Variants in GLIS1 observed in about 807,000 individuals in gnomAD.
The protein encoded by GLIS1 is GLIS family zinc finger 1.
GLIS1 carries 24 observed loss-of-function variants against 63.8 expected under a neutral mutation model. That is an observed-to-expected ratio of 0.38 (90% CI 0.27 to 0.53). GLIS1 has a LOEUF of 0.53. GLIS1 is among the 20% of genes least tolerant of loss of function. The probability of loss-of-function intolerance (pLI) is 0.85; values close to 1 mark genes in which losing one functional copy is unlikely to be tolerated. For synonymous variants in GLIS1, 450 were observed against 482.5 expected, an observed-to-expected ratio of 0.93 and a Z score of 0.88; for missense variants, 1,036 against 1,074.1, an observed-to-expected ratio of 0.96 and a Z score of 0.50.
rs184158274 is a variant in GLIS1, at chr1:53,526,937, T to C, written c.1483-2050A>G. Reference sequence around the variant, plus strand: ...GCTGCAGCGCCGGGCGGCCTCCCTCTGTCTGTAATGAGGACGCTCCGGGTG... The same window carrying C: ...GCTGCAGCGCCGGGCGGCCTCCCTCCGTCTGTAATGAGGACGCTCCGGGTG... On this transcript the variant is annotated intron_variant, in intron 5 of 10. Coordinates refer to ENST00000628545, the MANE Select transcript of GLIS1 (RefSeq NM_001367484.1). This position sits in a 1 kb window ranked among gnomAD's most constrained non-coding sequence, Gnocchi z 4.4. 5.1e-4 allele frequency among the ~76,000 whole-genome samples: 78 copies of C among 152,344 alleles called. No individual in the cohort carries two copies. Among genetic ancestry groups the C allele is most frequent in the African/African-American group, 1.8e-3 (76 of 41,576 alleles).
At chr1:53,556,677 TGTAA>T (rs748233247) in intron 4 of GLIS1, among the ~76,000 whole-genome samples, 22 of 145,926 alleles carry the variant, frequency 1.5e-4, no homozygotes, top group Admixed American at 2.1e-4. Flanking sequence ...GCAGGTGTAC[TGTAA>T]GTATGTGTGT....
chr1:53,541,627 T>C (rs1338347281), intron 4 of GLIS1, among the ~76,000 whole-genome samples: 1 of 152,050 alleles, frequency 6.6e-6, no homozygotes, highest in African/African-American at 2.4e-5. Flanking sequence ...GGGAGGTGAA[T>C]TGCAGTGGGA....
At chr1:53,626,619 G>T (rs957468900) in intron 2 of GLIS1, among the ~76,000 whole-genome samples, 13 of 152,350 alleles carry the variant, frequency 8.5e-5, no homozygotes. Flanking sequence ...CAGGGGCTTG[G>T]TCTATTTTGA....
intron 2 of GLIS1, among the ~76,000 whole-genome samples, chr1:53,725,439 G>A (rs1646796148): frequency 1.3e-5 from 2 of 152,198 alleles, no homozygotes; most frequent in African/African-American, 2.4e-5. Context: ...TGACTCAGCA[G>A]ACCAAGGCTG....
intron 2 of GLIS1, among the ~76,000 whole-genome samples, chr1:53,730,493 AG>A (rs1225292375): frequency 1.3e-5 from 2 of 152,226 alleles, no homozygotes; most frequent in Non-Finnish European, 2.9e-5. Context: ...TCAGGTTTAT[AG>A]TACTCCCTGG....
At chr1:53,545,030 T>C (rs1416353778) in intron 4 of GLIS1, among the ~76,000 whole-genome samples, 1 of 152,226 alleles carries the variant, frequency 6.6e-6, no homozygotes, top group Non-Finnish European at 1.5e-5. Context: ...CCTGGATCCT[T>C]AGGGCAGGCT....
chr1:53,644,150 T>C (rs1459112236), intron 2 of GLIS1, among the ~76,000 whole-genome samples: 4 of 152,204 alleles, frequency 2.6e-5, no homozygotes, highest in African/African-American at 9.6e-5. Context: ...TCTTTCTCTC[T>C]GTCCTACCAC....
At chr1:53,694,239 G>A (rs1392162779) in intron 2 of GLIS1, among the ~76,000 whole-genome samples, 1 of 152,140 alleles carries the variant, frequency 6.6e-6, no homozygotes, top group Non-Finnish European at 1.5e-5. Flanking sequence ...CCCTCTAGGT[G>A]AGAAACGGCA....
chr1:53,633,958 T>G (rs966278529), intron 2 of GLIS1, among the ~76,000 whole-genome samples: 2 of 151,414 alleles, frequency 1.3e-5, no homozygotes, highest in Non-Finnish European at 2.9e-5. Context: ...CAGCCAAGAG[T>G]GGGTGAAGTA....
At chr1:53,619,716 G>A (rs1468484133) in intron 2 of GLIS1, among the ~76,000 whole-genome samples, 2 of 152,254 alleles carry the variant, frequency 1.3e-5, no homozygotes, top group African/African-American at 2.4e-5. Flanking sequence ...CAGGCCAGGA[G>A]AAGCCATTCC....
At chr1:53,603,221 T>G (rs181830914) in intron 2 of GLIS1, among the ~76,000 whole-genome samples, 1 of 152,294 alleles carries the variant, frequency 6.6e-6, no homozygotes, top group Admixed American at 6.5e-5. Flanking sequence ...TGCCACTTAG[T>G]GCTCTAGGCT....
At chr1:53,662,304 C>T (rs1646037445) in intron 2 of GLIS1, among the ~76,000 whole-genome samples, 2 of 152,190 alleles carry the variant, frequency 1.3e-5, no homozygotes. Context: ...TCGAAACAGG[C>T]TTTCTGAAGA....
At chr1:53,616,166 C>G (rs1645480573) in intron 2 of GLIS1, among the ~76,000 whole-genome samples, 1 of 152,122 alleles carries the variant, frequency 6.6e-6, no homozygotes, top group Non-Finnish European at 1.5e-5. Flanking sequence ...TTCTCTGATC[C>G]CAAGGCTGCC....
chr1:53,591,294 C>T (rs1400582034), intron 4 of GLIS1, among the ~76,000 whole-genome samples: 3 of 152,188 alleles, frequency 2.0e-5, no homozygotes, highest in Non-Finnish European at 4.4e-5. Context: ...GGGAGCACGC[C>T]CACCCCACCG....
chr1:53,604,473 T>C (rs2100557716), intron 2 of GLIS1, among the ~76,000 whole-genome samples: 1 of 152,360 alleles, frequency 6.6e-6, no homozygotes, highest in Middle Eastern at 3.4e-3. Flanking sequence ...CAAGTCTGCG[T>C]GAGAGTGGGC....
At chr1:53,566,407 G>C (rs1291016254) in intron 4 of GLIS1, among the ~76,000 whole-genome samples, 1 of 152,186 alleles carries the variant, frequency 6.6e-6, no homozygotes, top group Admixed American at 6.5e-5. Context: ...TACAAGGTTA[G>C]TATATAAAAA....
chr1:53,691,222 G>A (rs547414538), intron 2 of GLIS1, among the ~76,000 whole-genome samples: 1 of 152,206 alleles, frequency 6.6e-6, no homozygotes, highest in South Asian at 2.1e-4. Context: ...TCAGGCTAGG[G>A]CGCACTCCCG....
At chr1:53,618,883 G>A (rs540741257) in intron 2 of GLIS1, among the ~76,000 whole-genome samples, 3 of 152,314 alleles carry the variant, frequency 2.0e-5, no homozygotes, top group Admixed American at 2.0e-4. Flanking sequence ...AGGAAGCAGA[G>A]CCCAGAGTTC....
At chr1:53,664,783 A>C (rs987984530) in intron 2 of GLIS1, among the ~76,000 whole-genome samples, 6 of 152,016 alleles carry the variant, frequency 3.9e-5, no homozygotes, top group African/African-American at 1.5e-4. Flanking sequence ...GTCAGGGAAG[A>C]CTCCAAGAGG....
Sources: gnomAD v4.1 joint callset for allele counts (sites outside exome capture counted in the v4.1 genomes callset) on GRCh38, gnomAD v4.1.1 for gene constraint, Gnocchi (gnomAD v3.1) non-coding constraint, MANE v1.5 for transcripts, NCBI Gene and HGNC (gene_info 2026-07-23, HGNC 2026-07-21) for gene names.